Variants in CDH12 observed in about 807,000 individuals in gnomAD.
CDH12 encodes cadherin-12.
A neutral mutation model predicts 74.1 loss-of-function variants in CDH12; 41 were observed. The ratio of observed to expected loss-of-function variants is 0.55; its 90% CI spans 0.43 to 0.72. The LOEUF (loss-of-function observed/expected upper bound fraction) is 0.72, where lower values mean the gene tolerates loss of function less well. Among genes scored for constraint, CDH12 ranks in the 30% least tolerant of loss-of-function variants. CDH12 has a pLI of 0.00. For synonymous variants in CDH12, 399 were observed against 355.0 expected (o/e 1.12, Z -1.39); for missense variants, 945 against 977.2 (o/e 0.97, Z 0.44).
chr5:22,692,820 T>C (rs1280634831), intron 1 of CDH12, among the ~76,000 whole-genome samples: 3 of 149,360 alleles, frequency 2.0e-5, no homozygotes, highest in Admixed American at 6.9e-5. Flanking sequence ...TTACCTTTTT[T>C]TTTCCTGAAT....
At position 22,183,949 on chromosome 5, in the gene CDH12, C is replaced by A. The variant is rs531019557; in HGVS notation, c.-187+28549G>T. Among the ~76,000 whole-genome samples, 60 of 151,966 alleles carry A rather than the reference C, an allele frequency of 3.9e-4. 1 individual carries two copies. The highest frequency in any genetic ancestry group is 1.4e-3 in the African/African-American group (59 of 41,424). Reference sequence around the variant, plus strand: ...ATAACTAGAGTAGAGTCATTAATGGCCTATTTTTATTTTCTGTCCTAATAT... The same window carrying A: ...ATAACTAGAGTAGAGTCATTAATGGACTATTTTTATTTTCTGTCCTAATAT... On this transcript the variant is annotated intron_variant, in intron 4 of 14. Transcript: ENST00000382254.
intron 1 of CDH12, among the ~76,000 whole-genome samples, chr5:22,561,499 A>C (rs1421397000): frequency 6.6e-6 from 1 of 152,106 alleles, no homozygotes; most frequent in Non-Finnish European, 1.5e-5. Context: ...AAGACAATAA[A>C]ATCTGTATTT....
intron 5 of CDH12, among the ~76,000 whole-genome samples, chr5:22,058,651 A>G (rs571640900): frequency 7.0e-6 from 1 of 142,494 alleles, no homozygotes; most frequent in East Asian, 1.9e-4. Flanking sequence ...ATGTACAAAG[A>G]AGGAAGAGAG....
intron 6 of CDH12, among the ~76,000 whole-genome samples, chr5:21,904,996 C>T (rs934142049): frequency 6.6e-6 from 1 of 152,090 alleles, no homozygotes; most frequent in Non-Finnish European, 1.5e-5. Context: ...AGGTGATGTA[C>T]AGGAAAGAAA....
chr5:22,538,305 A>C (rs575464345), intron 1 of CDH12, among the ~76,000 whole-genome samples: 9 of 152,126 alleles, frequency 5.9e-5, no homozygotes, highest in Non-Finnish European at 1.2e-4. Flanking sequence ...CTATCAACTG[A>C]CTTAAAATAT....
chr5:22,240,471 G>C (rs927038874), intron 3 of CDH12, among the ~76,000 whole-genome samples: 5 of 152,164 alleles, frequency 3.3e-5, no homozygotes, highest in African/African-American at 1.2e-4. Flanking sequence ...GATTGCTGAA[G>C]AATGTAAGCA....
In CDH12 at chr5:22,423,868, T is replaced by C. The variant is rs1229821236; in HGVS notation, c.-427-18517A>G. Reference sequence around the variant, plus strand: ...AATACAAAAAATTAGCCGGGCGTGTTGGCGGGCGCCTGTAGTCCCGGCTAC... The same window carrying C: ...AATACAAAAAATTAGCCGGGCGTGTCGGCGGGCGCCTGTAGTCCCGGCTAC... On this transcript the variant is annotated intron_variant, in intron 2 of 14. Coordinates refer to ENST00000382254, the MANE Select transcript of CDH12 (RefSeq NM_004061.5). Among the ~76,000 whole-genome samples, 4 of 151,242 alleles carry C rather than the reference T, an allele frequency of 2.6e-5. No individual in the cohort carries two copies. In the East Asian group the frequency reaches 7.8e-4, roughly 30 times the overall value.
At chr5:22,439,427 A>G (rs1231501843) in intron 2 of CDH12, among the ~76,000 whole-genome samples, 4 of 152,102 alleles carry the variant, frequency 2.6e-5, no homozygotes, top group African/African-American at 9.7e-5. Flanking sequence ...AAATGTCACC[A>G]ATTTCTATGC....
intron 4 of CDH12, among the ~76,000 whole-genome samples, chr5:22,085,272 A>G (rs978137386): frequency 1.6e-4 from 24 of 152,148 alleles, no homozygotes; most frequent in Admixed American, 1.3e-3. Context: ...CTCCAAAGCT[A>G]AAAGATATAC....
At chr5:21,865,554 T>A (rs890754391) in intron 6 of CDH12, among the ~76,000 whole-genome samples, 2 of 152,106 alleles carry the variant, frequency 1.3e-5, no homozygotes, top group Admixed American at 1.3e-4. Flanking sequence ...TGCTGAGAAC[T>A]ATCTAGGGAC....
At chr5:22,781,596 C>G (rs182179835) in intron 1 of CDH12, among the ~76,000 whole-genome samples, 6 of 152,252 alleles carry the variant, frequency 3.9e-5, no homozygotes, top group Non-Finnish European at 7.3e-5. Context: ...AGCTGTTATT[C>G]TCAGCAGTAA....
At chr5:22,671,321 G>T (rs10472484) in intron 1 of CDH12, among the ~76,000 whole-genome samples, 102,253 of 151,890 alleles carry the variant, frequency 0.67, 34,648 homozygotes, top group Admixed American at 0.73. Flanking sequence ...AAGTGTACAA[G>T]GCTGTATTGC....
chr5:22,382,071 C>A (rs1741779541), intron 3 of CDH12, among the ~76,000 whole-genome samples: 1 of 145,306 alleles, frequency 6.9e-6, no homozygotes, highest in African/African-American at 2.5e-5. Context: ...TATTATAATA[C>A]ATAATATAAT....
chr5:22,056,758 C>A (rs898999174), intron 5 of CDH12, among the ~76,000 whole-genome samples: 2 of 152,162 alleles, frequency 1.3e-5, no homozygotes, highest in African/African-American at 4.8e-5. Context: ...TATTATCCCA[C>A]ATGTGGATTC....
At chr5:22,063,974 T>A (rs1477122512) in intron 5 of CDH12, among the ~76,000 whole-genome samples, 1 of 139,554 alleles carries the variant, frequency 7.2e-6, no homozygotes, top group South Asian at 2.4e-4. Flanking sequence ...AACTGACTCA[T>A]GCAATTATGG....
At position 22,173,263 on chromosome 5, in the gene CDH12, T is replaced by TA. The variant is rs1749139356; in HGVS notation, c.-187+39234_-187+39235insT. 2.7e-5 allele frequency among the ~76,000 whole-genome samples: 4 copies of TA among 147,040 alleles called. No homozygotes were observed. The South Asian group carries it at 8.4e-4, about 31-fold the overall frequency. The stretch of plus-strand genomic sequence containing the variant: ...TATATAATTATATAATTTATATAAT[T>TA]TAAATTTTATAATTATATAATTTAT... On this transcript the variant is annotated intron_variant, in intron 4 of 14. Transcript: ENST00000382254.
rs1580981997 is a variant in CDH12, at chr5:22,769,522, C to T, written c.-523+83536G>A. Reference sequence around the variant, plus strand: ...TGGACCCAGACTGAGCCACTACTGGCTTTCTACCTCCTCAGCTTGGAGATA... The same window carrying T: ...TGGACCCAGACTGAGCCACTACTGGTTTTCTACCTCCTCAGCTTGGAGATA... On this transcript the variant is annotated intron_variant, in intron 1 of 14. Coordinates refer to ENST00000382254, the MANE Select transcript of CDH12 (RefSeq NM_004061.5). Among the ~76,000 whole-genome samples the T allele has an allele frequency of 2.6e-5, 4 of 152,220 alleles. No individual in the cohort carries two copies. The South Asian group carries it at 8.3e-4, about 32-fold the overall frequency.
At chr5:22,180,329 C>T in intron 4 of CDH12, among the ~76,000 whole-genome samples, 1 of 151,992 alleles carries the variant, frequency 6.6e-6, no homozygotes, top group South Asian at 2.1e-4. Flanking sequence ...GATAGAGAAC[C>T]AATTAATCTT....
intron 1 of CDH12, among the ~76,000 whole-genome samples, chr5:22,849,743 A>T (rs1737464975): frequency 6.6e-6 from 1 of 152,146 alleles, no homozygotes; most frequent in Non-Finnish European, 1.5e-5. Context: ...TGAGATGTAT[A>T]TATTTTAAGA....
Sources: allele counts gnomAD v4.1 joint callset (sites outside exome capture counted in the v4.1 genomes callset), GRCh38; gene constraint gnomAD v4.1.1; transcripts MANE v1.5; gene names NCBI Gene and HGNC (gene_info 2026-07-23, HGNC 2026-07-21).